The following NNMT variants were observed in gnomAD, a reference collection of about 807,000 sequenced individuals.
The protein encoded by NNMT is nicotinamide N-methyltransferase.
A neutral mutation model predicts 11.7 loss-of-function variants in NNMT; 10 were observed. That is an observed-to-expected ratio of 0.85 (90% CI 0.53 to 1.45). NNMT has a LOEUF of 1.45. Among genes scored for constraint, NNMT ranks in the 40% most tolerant of loss-of-function variants. The pLI, the probability that NNMT is intolerant of heterozygous loss-of-function variation, is 0.00. For synonymous variants in NNMT, 143 were observed against 133.8 expected (o/e 1.07, Z -0.48); for missense variants, 381 against 319.4 (o/e 1.19, Z -1.47).
rs773566755 is a variant in NNMT, at chr11:114,264,818, T to C, written c.-130+1884T>C. On this transcript the variant is annotated intron_variant, in intron 2 of 4. Coordinates refer to the NNMT transcript ENST00000535401. ...ACATTTACCTATTTACTATAAAAGA[T>C]ATTACAAAGGATACAGTTGAAGAGA... 6.6e-5 allele frequency among the ~76,000 whole-genome samples: 10 copies of C among 152,304 alleles called. No homozygotes were observed. In the South Asian group the frequency reaches 1.2e-3, roughly 19 times the overall value.
intron 2 of NNMT, among the ~76,000 whole-genome samples, chr11:114,300,579 C>T (rs960147954): frequency 1.4e-4 from 18 of 126,348 alleles, no homozygotes; most frequent in African/African-American, 4.6e-4. Flanking sequence ...TCCTTACTGA[C>T]GTTTTGTTTA....
intron 1 of NNMT, among the ~76,000 whole-genome samples, chr11:114,259,058 A>G (rs1945053244): frequency 6.6e-6 from 1 of 152,196 alleles, no homozygotes; most frequent in African/African-American, 2.4e-5. Context: ...CTGTTTCCTT[A>G]ACTGTCACCA....
At chr11:114,304,731 A>G (rs1254909947) in intron 2 of NNMT, among the ~76,000 whole-genome samples, 1 of 152,166 alleles carries the variant, frequency 6.6e-6, no homozygotes, top group Non-Finnish European at 1.5e-5. Context: ...ATTCCCAGCT[A>G]CTGGGGAGGC....
chr11:114,304,236 A>G (rs1447804876), intron 2 of NNMT, among the ~76,000 whole-genome samples: 1 of 152,182 alleles, frequency 6.6e-6, no homozygotes, highest in Non-Finnish European at 1.5e-5. Flanking sequence ...CCAAAGTCCA[A>G]ATCATCTGTC....
chr11:114,295,419 CTTTT>C (rs35621813), upstream of NNMT, among the ~76,000 whole-genome samples: 12 of 85,014 alleles, frequency 1.4e-4, no homozygotes, highest in African/African-American at 5.2e-4. Flanking sequence ...TTAAAGAATT[CTTTT>C]TTTTTTTTTT....
At chr11:114,291,424 G>C (rs1396694624), upstream of NNMT, among the ~76,000 whole-genome samples, 1 of 152,180 alleles carries the variant, frequency 6.6e-6, no homozygotes, top group East Asian at 1.9e-4. Flanking sequence ...CTCTATGTTG[G>C]TTCCACCAGT....
intron 2 of NNMT, among the ~76,000 whole-genome samples, chr11:114,283,873 G>T (rs139051647): frequency 2.0e-5 from 3 of 152,240 alleles, no homozygotes; most frequent in African/African-American, 7.2e-5. Context: ...AAAACGATTT[G>T]CTTTTTACAT....
Position 114,284,764 on chromosome 11 carries a change from C to CTTT in NNMT, c.-129-11642_-129-11640dup, listed in dbSNP as rs11415162. On this transcript the variant is annotated intron_variant, in intron 2 of 4. Transcript: ENST00000535401. ...GGCGTGAGCCACTGCACCCGGCCAT[C>CTTT]TTTTTTTTTTTTTTTTTTTTTTTTG... is the stretch of plus-strand genomic sequence containing the variant. Among the ~76,000 whole-genome samples the CTTT allele has an allele frequency of 3.1e-3, 281 of 90,344 alleles. 21 individuals carry two copies. The highest frequency in any genetic ancestry group is 0.011 in the South Asian group (20 of 1,862). 59.3% of individuals were successfully genotyped at this position (90,344 alleles called of 152,430 possible).
At chr11:114,294,211 A>G (rs563405235), upstream of NNMT, among the ~76,000 whole-genome samples, 5 of 152,194 alleles carry the variant, frequency 3.3e-5, no homozygotes, top group East Asian at 5.8e-4. Context: ...GGCCAGGCGC[A>G]GTGGCTCACG....
Position 114,312,133 on chromosome 11 carries a change from G to A in NNMT, c.451G>A (p.Ala151Thr). The A allele has an allele frequency of 6.2e-7, 1 of 1,613,890 alleles. No homozygotes were observed. The highest frequency in any genetic ancestry group is 8.5e-7 in the Non-Finnish European group (1 of 1,179,838). The change falls in exon 3 of 3, where the codon GCC (alanine) becomes ACC (threonine). Residue 151 changes from alanine to threonine, a missense_variant. By Grantham distance (58) the Ala-to-Thr change is moderately conservative (BLOSUM62 0). Transcript: ENST00000299964. ...TGTGACTCAGAGCCAGCCACTGGGG[G>A]CCGTCCCCTTACCCCCGGCTGACTG... Reference protein sequence around the residue: ...CDVTQSQPLGAVPLPPADCVL... With the variant: ...CDVTQSQPLGTVPLPPADCVL...
chr11:114,282,095 G>A (rs992247813), intron 2 of NNMT, among the ~76,000 whole-genome samples: 7 of 152,116 alleles, frequency 4.6e-5, no homozygotes, highest in African/African-American at 1.7e-4. Flanking sequence ...ATGGTGGCAT[G>A]CACCTGAAGT....
chr11:114,284,305 C>G, intron 2 of NNMT, among the ~76,000 whole-genome samples: 1 of 152,212 alleles, frequency 6.6e-6, no homozygotes, highest in East Asian at 1.9e-4. Flanking sequence ...TGCCATCTGC[C>G]TGCAATTTAC....
chr11:114,311,005 C>T, intron 2 of NNMT, among the ~76,000 whole-genome samples: 1 of 152,166 alleles, frequency 6.6e-6, no homozygotes, highest in East Asian at 1.9e-4. Flanking sequence ...TTCTTTCATT[C>T]TTTTATTAAC....
At chr11:114,309,740 T>C (rs866260356) in intron 2 of NNMT, among the ~76,000 whole-genome samples, 13 of 152,366 alleles carry the variant, frequency 8.5e-5, no homozygotes, top group Middle Eastern at 6.8e-3. Context: ...ATTTTCATAA[T>C]TCTCAAAAGA....
Position 114,312,758 on chromosome 11 carries a change from T to G in NNMT, c.*281T>G. On this transcript the variant is annotated 3_prime_UTR_variant, in exon 3 of 3. Coordinates refer to ENST00000299964, the MANE Select transcript of NNMT (RefSeq NM_006169.3). Reference sequence around the variant, plus strand: ...AGACCTCACTTCCCTAAACATCTAGTTATGGCGGCTCAAGCCCGTACCTGC... The same window carrying G: ...AGACCTCACTTCCCTAAACATCTAGGTATGGCGGCTCAAGCCCGTACCTGC... The G allele has an allele frequency of 2.5e-6, 1 of 407,816 alleles. No individual in the cohort carries two copies. The highest frequency in any genetic ancestry group is 3.8e-5 in the East Asian group (1 of 26,468). 25.3% of individuals were successfully genotyped at this position (407,816 alleles called of 1,614,324 possible).
intron 2 of NNMT, among the ~76,000 whole-genome samples, chr11:114,286,322 G>C (rs1945299445): frequency 6.6e-6 from 1 of 152,152 alleles, no homozygotes; most frequent in African/African-American, 2.4e-5. Context: ...AGAGCATAAA[G>C]GTTAATATAA....
At chr11:114,289,296 T>C (rs1423531604) in intron 2 of NNMT, among the ~76,000 whole-genome samples, 3 of 152,218 alleles carry the variant, frequency 2.0e-5, no homozygotes, top group Admixed American at 6.5e-5. Flanking sequence ...TTGATCATTC[T>C]AGCTAGAAAT....
chr11:114,286,242 C>T (rs1006304682), intron 2 of NNMT, among the ~76,000 whole-genome samples: 4 of 152,158 alleles, frequency 2.6e-5, no homozygotes, highest in Non-Finnish European at 5.9e-5. Context: ...AGGGACTCTG[C>T]GTCTGGATAT....
intron 2 of NNMT, among the ~76,000 whole-genome samples, chr11:114,309,101 C>T (rs1243883735): frequency 1.3e-5 from 2 of 152,132 alleles, no homozygotes; most frequent in East Asian, 1.9e-4. Flanking sequence ...AGGATCATCC[C>T]GAAACACATC....
Sources: allele counts gnomAD v4.1 joint callset (sites outside exome capture counted in the v4.1 genomes callset), GRCh38; gene constraint gnomAD v4.1.1; transcripts MANE v1.5; gene names NCBI Gene and HGNC (gene_info 2026-07-23, HGNC 2026-07-21).